SUPT3H: variants seen among roughly 807,000 people sequenced by gnomAD.
SUPT3H encodes SPT3 homolog, SAGA and STAGA complex component.
Under a neutral mutation model 44.3 loss-of-function variants are expected in SUPT3H, and 44 were observed. That is an observed-to-expected ratio of 0.99 (90% CI 0.78 to 1.28). The LOEUF (loss-of-function observed/expected upper bound fraction) is 1.28, where lower values mean the gene tolerates loss of function less well. SUPT3H is among the 50% of genes most tolerant of loss of function. The pLI is 0.00. For synonymous variants in SUPT3H, 124 were observed against 125.6 expected, an observed-to-expected ratio of 0.99 and a Z score of 0.09; for missense variants, 380 against 387.1, an observed-to-expected ratio of 0.98 and a Z score of 0.15.
intron 2 of SUPT3H, among the ~76,000 whole-genome samples, chr6:45,158,196 C>G (rs1808177001): frequency 9.2e-6 from 1 of 108,352 alleles, no homozygotes; most frequent in African/African-American, 3.6e-5. Flanking sequence ...TGGGTAGAAA[C>G]CATAGAGATA....
chr6:45,279,425 G>A (rs1777568761), intron 2 of SUPT3H, among the ~76,000 whole-genome samples: 1 of 152,160 alleles, frequency 6.6e-6, no homozygotes, highest in Non-Finnish European at 1.5e-5. Context: ...GTGGGGCCTG[G>A]CAGGAAATGT....
chr6:45,235,829 T>G (rs1022493128), intron 2 of SUPT3H, among the ~76,000 whole-genome samples: 8 of 152,136 alleles, frequency 5.3e-5, no homozygotes, highest in South Asian at 2.1e-4. Flanking sequence ...TGGCCATGAC[T>G]CCCATGCTGA....
chr6:45,277,365 A>AC (rs1274785704), intron 2 of SUPT3H, among the ~76,000 whole-genome samples: 1 of 152,190 alleles, frequency 6.6e-6, no homozygotes, highest in African/African-American at 2.4e-5. Context: ...ATATGTCTGG[A>AC]ATCCTCAGGC....
chr6:45,124,340 G>T (rs752733674), intron 2 of SUPT3H, among the ~76,000 whole-genome samples: 13 of 151,960 alleles, frequency 8.6e-5, no homozygotes, highest in East Asian at 5.8e-4. Context: ...AATTGTAAAA[G>T]TACAGTTGAA....
chr6:44,955,472 G>GT (rs1774973704), intron 7 of SUPT3H: 1 of 152,322 alleles, frequency 6.6e-6, no homozygotes, highest in Non-Finnish European at 1.5e-5. Context: ...CACTTCCCTG[G>GT]CGACCTGCGT....
chr6:44,961,381 A>G (rs1321282733), intron 7 of SUPT3H, among the ~76,000 whole-genome samples: 1 of 152,242 alleles, frequency 6.6e-6, no homozygotes, highest in African/African-American at 2.4e-5. Flanking sequence ...TGTCATGACT[A>G]CTATTAGAGT....
At chr6:44,851,274 TAA>T (rs1772839464) in intron 10 of SUPT3H, among the ~76,000 whole-genome samples, 1 of 152,142 alleles carries the variant, frequency 6.6e-6, no homozygotes, top group Admixed American at 6.5e-5. Context: ...ATCTAAGGAA[TAA>T]AAAGAGTTTT....
intron 11 of SUPT3H, chr6:44,809,645 A>T (rs1766379512): frequency 6.6e-6 from 1 of 152,236 alleles, no homozygotes; most frequent in African/African-American, 2.4e-5. Flanking sequence ...AACTATTTTT[A>T]AAAAGTTTTG....
rs1797652835 is a variant in SUPT3H, at chr6:45,095,349, G to C, written c.186+10573C>G. The stretch of plus-strand genomic sequence containing the variant: ...AAAACATTACTGAGGTGGCATAAGT[G>C]ACAGCCTCACAGAACTGGTGATGAG... On this transcript the variant is annotated intron_variant, in intron 3 of 10. Coordinates refer to ENST00000371459, the MANE Select transcript of SUPT3H (RefSeq NM_003599.4). This position sits in a 1 kb window ranked among gnomAD's most constrained non-coding sequence, Gnocchi z 4.1. 6.6e-6 allele frequency among the ~76,000 whole-genome samples: 1 copy of C among 152,082 alleles called. No homozygotes were observed. Among genetic ancestry groups the C allele is most frequent in the Non-Finnish European group, 1.5e-5 (1 of 67,990 alleles).
chr6:45,109,772 G>A (rs1439630730), intron 2 of SUPT3H, among the ~76,000 whole-genome samples: 1 of 152,126 alleles, frequency 6.6e-6, no homozygotes, highest in Admixed American at 6.6e-5. Context: ...GCTCTGCAAT[G>A]TATGTACTAC....
At chr6:45,100,408 A>T (rs1284991) in intron 3 of SUPT3H, among the ~76,000 whole-genome samples, 3,099 of 151,804 alleles carry the variant, frequency 0.02, 43 homozygotes, top group Non-Finnish European at 0.033. Context: ...AGCTGAATCA[A>T]CATCTTTCAA....
chr6:45,276,902 C>T (rs1777122082), intron 2 of SUPT3H, among the ~76,000 whole-genome samples: 1 of 152,184 alleles, frequency 6.6e-6, no homozygotes, highest in Non-Finnish European at 1.5e-5. Context: ...ATACAAGATA[C>T]TTAACTATAT....
At chr6:45,002,773 G>A (rs1202622001) in intron 6 of SUPT3H, among the ~76,000 whole-genome samples, 2 of 152,148 alleles carry the variant, frequency 1.3e-5, no homozygotes, top group Admixed American at 6.6e-5. Context: ...AAAGGTTGTT[G>A]AAGTTTATAA....
intron 3 of SUPT3H, among the ~76,000 whole-genome samples, chr6:45,028,314 T>C (rs1457430515): frequency 6.6e-6 from 1 of 152,186 alleles, no homozygotes; most frequent in Non-Finnish European, 1.5e-5. Context: ...AAATTATGCC[T>C]TTTACCAATC....
At chr6:45,081,032 C>CAT (rs70993494) in intron 3 of SUPT3H, among the ~76,000 whole-genome samples, 146,228 of 150,538 alleles carry the variant, frequency 0.97, 71,038 homozygotes, top group East Asian at 1. Flanking sequence ...TCATATATCC[C>CAT]ATATATATAT....
At chr6:45,016,615 T>C (rs1314515908) in intron 4 of SUPT3H, among the ~76,000 whole-genome samples, 1 of 151,456 alleles carries the variant, frequency 6.6e-6, no homozygotes, top group Non-Finnish European at 1.5e-5. Context: ...GTCCTTGTGA[T>C]AGTTTACTGA....
In SUPT3H at chr6:45,286,131, A is replaced by T. The variant is rs541242519; in HGVS notation, c.101+79070T>A. 1.5e-3 allele frequency among the ~76,000 whole-genome samples: 229 copies of T among 151,896 alleles called. 3 individuals carry two copies. The highest frequency in any genetic ancestry group is 5.4e-3 in the African/African-American group (223 of 41,324). On this transcript the variant is annotated intron_variant, in intron 2 of 10. Coordinates refer to ENST00000371459, the MANE Select transcript of SUPT3H (RefSeq NM_003599.4). ...TAAAGACTTAAATGTTAGCCCTAAAACCATAAAAACCCTAGAAGAAAACCT... is the reference window on the plus strand; with the variant it reads ...TAAAGACTTAAATGTTAGCCCTAAATCCATAAAAACCCTAGAAGAAAACCT...
chr6:45,282,526 A>T (rs1169718005), intron 2 of SUPT3H, among the ~76,000 whole-genome samples: 1 of 152,186 alleles, frequency 6.6e-6, no homozygotes, highest in African/African-American at 2.4e-5. Context: ...TGAGAAGAGA[A>T]GTTTCGAAAA....
chr6:45,346,314 T>C (rs1350665472), intron 2 of SUPT3H, among the ~76,000 whole-genome samples: 3 of 152,032 alleles, frequency 2.0e-5, no homozygotes, highest in Non-Finnish European at 4.4e-5. Flanking sequence ...GAAAGCCCAA[T>C]AAATAAAATA....
Sources: allele counts gnomAD v4.1 joint callset (sites outside exome capture counted in the v4.1 genomes callset), GRCh38; gene constraint gnomAD v4.1.1; non-coding constraint Gnocchi (gnomAD v3.1); transcripts MANE v1.5; gene names NCBI Gene and HGNC (gene_info 2026-07-23, HGNC 2026-07-21).